CLVS1: variants seen among roughly 807,000 people sequenced by gnomAD.
The protein encoded by CLVS1 is clavesin 1, also known as clavesin-1.
CLVS1 carries 10 observed loss-of-function variants against 33.1 expected under a neutral mutation model. That is an observed-to-expected ratio of 0.30 (90% CI 0.19 to 0.51). The LOEUF is 0.51. Among genes scored for constraint, CLVS1 ranks in the 20% least tolerant of loss-of-function variants. The probability of loss-of-function intolerance (pLI) is 0.97; values close to 1 mark genes in which losing one functional copy is unlikely to be tolerated. For synonymous variants in CLVS1, 163 were observed against 166.1 expected (o/e 0.98, Z 0.14); for missense variants, 343 against 433.4 (o/e 0.79, Z 1.85).
intron 3 of CLVS1, among the ~76,000 whole-genome samples, chr8:61,423,600 G>A (rs551733054): frequency 6.6e-6 from 1 of 152,172 alleles, no homozygotes; most frequent in South Asian, 2.1e-4. Context: ...GTAATGAAGA[G>A]CGCCCTAAAT....
At chr8:61,321,397 ATTT>A (rs891512097) in intron 2 of CLVS1, among the ~76,000 whole-genome samples, 14 of 149,422 alleles carry the variant, frequency 9.4e-5, no homozygotes, top group African/African-American at 2.5e-5. Flanking sequence ...GGGTGATCTG[ATTT>A]TTTTTTCTTC....
chr8:61,370,204 A>T (rs561684609), intron 2 of CLVS1: 13 of 142,588 alleles, frequency 9.1e-5, no homozygotes, highest in Non-Finnish European at 1.3e-4. Context: ...TATAAAAAAA[A>T]TTTTATTTTT....
At chr8:61,148,198 C>G (rs2129294325) in intron 2 of CLVS1, among the ~76,000 whole-genome samples, 1 of 152,356 alleles carries the variant, frequency 6.6e-6, no homozygotes, top group East Asian at 1.9e-4. Flanking sequence ...TTGCATATTT[C>G]TCACTTATGT....
At chr8:61,266,706 C>G (rs998668862) in intron 2 of CLVS1, among the ~76,000 whole-genome samples, 2 of 152,180 alleles carry the variant, frequency 1.3e-5, no homozygotes, top group East Asian at 1.9e-4. Context: ...CTTCACTCTC[C>G]CTATGCAATG....
chr8:61,082,618 C>T (rs1394793740), intron 1 of CLVS1, among the ~76,000 whole-genome samples: 2 of 152,086 alleles, frequency 1.3e-5, no homozygotes, highest in Non-Finnish European at 1.5e-5. Context: ...AAATACCTTA[C>T]CTAGAGAAGA....
Position 61,126,698 on chromosome 8 carries a change from T to C in CLVS1, c.-242-5072T>C, listed in dbSNP as rs192596359. Reference sequence around the variant, plus strand: ...AAAGTCCGGGAAAATTTCTCTTCTTTGCACAGCTGAATCCAAGTGTTCAAA... The same window carrying C: ...AAAGTCCGGGAAAATTTCTCTTCTTCGCACAGCTGAATCCAAGTGTTCAAA... On this transcript the variant is annotated intron_variant, in intron 1 of 2. Transcript: ENST00000522621. 2.4e-4 allele frequency among the ~76,000 whole-genome samples: 37 copies of C among 152,376 alleles called. No homozygotes were observed. In the East Asian group the frequency reaches 6.9e-3, roughly 29 times the overall value.
intron 3 of CLVS1, among the ~76,000 whole-genome samples, chr8:61,440,066 C>G (rs1462480637): frequency 6.6e-6 from 1 of 152,208 alleles, no homozygotes; most frequent in Non-Finnish European, 1.5e-5. Context: ...AGAATCTAAA[C>G]TCTGCATCTT....
intron 3 of CLVS1, among the ~76,000 whole-genome samples, chr8:61,422,058 T>C (rs762774676): frequency 3.7e-4 from 56 of 152,086 alleles, no homozygotes; most frequent in Non-Finnish European, 6.9e-4. Flanking sequence ...TGGATGATTC[T>C]ACCTCAGTTC....
At chr8:61,239,261 T>C (rs1808639292) in intron 2 of CLVS1, among the ~76,000 whole-genome samples, 1 of 152,230 alleles carries the variant, frequency 6.6e-6, no homozygotes, top group Non-Finnish European at 1.5e-5. Flanking sequence ...CATTGTAGAA[T>C]CTATACAACT....
intron 2 of CLVS1, among the ~76,000 whole-genome samples, chr8:61,276,856 G>A (rs898618923): frequency 6.6e-6 from 1 of 152,130 alleles, no homozygotes. Flanking sequence ...GTTATGTATG[G>A]GATGGTGCCC....
At chr8:61,042,535 C>A in the CLVS1 span, among the ~76,000 whole-genome samples, 1 of 100,996 alleles carries the variant, frequency 9.9e-6, no homozygotes, top group Non-Finnish European at 1.8e-5. Context: ...AGGGCCCACT[C>A]TTTGGTTAGT....
At chr8:61,329,881 C>T (rs1811529338) in intron 2 of CLVS1, among the ~76,000 whole-genome samples, 1 of 152,130 alleles carries the variant, frequency 6.6e-6, no homozygotes, top group Admixed American at 6.5e-5. Flanking sequence ...GCTCTATGCA[C>T]CCAGTACTGC....
chr8:61,442,454 C>T (rs914484111), intron 3 of CLVS1, among the ~76,000 whole-genome samples: 2 of 152,092 alleles, frequency 1.3e-5, no homozygotes, highest in South Asian at 2.1e-4. Context: ...GAAATAAATG[C>T]GCAGGAGTAC....
intron 2 of CLVS1, among the ~76,000 whole-genome samples, chr8:61,213,862 C>T (rs866810906): frequency 1.6e-4 from 25 of 152,284 alleles, no homozygotes; most frequent in Admixed American, 8.5e-4. Context: ...TGGAACAGAG[C>T]CATATTTCTC....
chr8:61,032,728 G>A, the CLVS1 span, among the ~76,000 whole-genome samples: 1 of 152,074 alleles, frequency 6.6e-6, no homozygotes, highest in Non-Finnish European at 1.5e-5. Flanking sequence ...CAGGTAATAG[G>A]TAAAATAATA....
intron 2 of CLVS1, among the ~76,000 whole-genome samples, chr8:61,314,180 T>C (rs143782498): frequency 6.6e-6 from 1 of 152,312 alleles, no homozygotes; most frequent in African/African-American, 2.4e-5. Context: ...GGCTTTTTTG[T>C]ACTCAGTGTC....
chr8:61,463,806 C>T (rs1817452615), intron 5 of CLVS1, among the ~76,000 whole-genome samples: 1 of 152,140 alleles, frequency 6.6e-6, no homozygotes, highest in Non-Finnish European at 1.5e-5. Context: ...GTGGCTCAAG[C>T]CTGTAATCCT....
intron 2 of CLVS1, among the ~76,000 whole-genome samples, chr8:61,270,104 C>G (rs373923516): frequency 2.6e-5 from 4 of 152,220 alleles, no homozygotes; most frequent in South Asian, 4.2e-4. Context: ...TTTTCAAAGG[C>G]AATGCTTCCA....
chr8:61,267,912 A>G (rs988490942), intron 2 of CLVS1, among the ~76,000 whole-genome samples: 1 of 152,242 alleles, frequency 6.6e-6, no homozygotes, highest in South Asian at 2.1e-4. Flanking sequence ...AAAGTCGAGC[A>G]TGAAAAAGGC....
Sources: allele counts gnomAD v4.1 joint callset (sites outside exome capture counted in the v4.1 genomes callset), GRCh38; gene constraint gnomAD v4.1.1; transcripts MANE v1.5; gene names NCBI Gene and HGNC (gene_info 2026-07-23, HGNC 2026-07-21).